The following KCNJ6 variants were observed in gnomAD, a reference collection of about 807,000 sequenced individuals.
KCNJ6 encodes G protein-activated inward rectifier potassium channel 2.
KCNJ6 carries 9 observed loss-of-function variants against 34.2 expected under a neutral mutation model. The observed-to-expected ratio is 0.26, with a 90% CI of 0.16 to 0.46. KCNJ6 has a LOEUF of 0.46. Ranked by LOEUF, KCNJ6 falls within the 20% of genes least tolerant of loss-of-function variation. The pLI is 1.00. For missense variants in KCNJ6, 236 were observed against 531.3 expected, an observed-to-expected ratio of 0.44 and a Z score of 5.46; for synonymous variants, 196 against 207.1, an observed-to-expected ratio of 0.95 and a Z score of 0.46.
At chr21:37,684,276 C>T (rs2054603527) in intron 3 of KCNJ6, among the ~76,000 whole-genome samples, 1 of 152,090 alleles carries the variant, frequency 6.6e-6, no homozygotes, top group Middle Eastern at 3.2e-3. Flanking sequence ...CTTGTTGCAT[C>T]ACCCTGACTT....
chr21:37,645,889 G>A (rs2054401838), intron 3 of KCNJ6, among the ~76,000 whole-genome samples: 1 of 74 alleles, frequency 0.014, no homozygotes, highest in Non-Finnish European at 0.033. Context: ...TCTGCTGGAA[G>A]TCCCTCACTT....
chr21:37,804,627 C>T (rs2055284827), intron 2 of KCNJ6, among the ~76,000 whole-genome samples: 1 of 152,088 alleles, frequency 6.6e-6, no homozygotes, highest in Non-Finnish European at 1.5e-5. Flanking sequence ...TCTGTGTGTC[C>T]ATGTATTATC....
At chr21:37,804,584 C>T (rs1218539934) in intron 2 of KCNJ6, among the ~76,000 whole-genome samples, 7 of 152,142 alleles carry the variant, frequency 4.6e-5, no homozygotes, top group Admixed American at 6.5e-5. Flanking sequence ...CCATCCTCCA[C>T]CCTCTAATAG....
chr21:37,819,145 T>C (rs2055362059), intron 2 of KCNJ6, among the ~76,000 whole-genome samples: 1 of 152,216 alleles, frequency 6.6e-6, no homozygotes, highest in African/African-American at 2.4e-5. Context: ...TTACTTTTTG[T>C]TTACAGTTTC....
chr21:37,803,595 C>T (rs959091043), intron 2 of KCNJ6, among the ~76,000 whole-genome samples: 14 of 152,178 alleles, frequency 9.2e-5, no homozygotes, highest in East Asian at 3.8e-4. Flanking sequence ...TTGTAGCAGA[C>T]GTCACCACTG....
In KCNJ6 at chr21:37,780,601, T is replaced by C. The variant is rs149709924; in HGVS notation, c.25+60057A>G. The stretch of plus-strand genomic sequence containing the variant: ...GGTGGGGGTGGGGGAGTGCAGGTAA[T>C]AGGGGAATGCTCTGTACTTTCTACT... On this transcript the variant is annotated intron_variant, in intron 2 of 3. Coordinates refer to ENST00000609713, the MANE Select transcript of KCNJ6 (RefSeq NM_002240.5). 1.7e-3 allele frequency among the ~76,000 whole-genome samples: 255 copies of C among 152,126 alleles called. 2 individuals are homozygous for C. Among genetic ancestry groups the C allele is most frequent in the Middle Eastern group, 6.8e-3 (2 of 294 alleles).
Position 37,655,215 on chromosome 21 carries a change from GTGTGTGTGTGAGAGAGAGA to G in KCNJ6, c.947-29750_947-29732del, listed in dbSNP as rs1569438866. ...TGTGTGTGTGTGTGTGTGTGTGTGTGTGTGTGTGTGAGAGAGAGAGAGAGAGAGAGAGAGAGAGAGAGAG... is the reference window on the plus strand; with the variant it reads ...TGTGTGTGTGTGTGTGTGTGTGTGTGGAGAGAGAGAGAGAGAGAGAGAGAG... On this transcript the variant is annotated intron_variant, in intron 3 of 3. Transcript: ENST00000609713. 4.6e-3 allele frequency among the ~76,000 whole-genome samples: 163 copies of G among 35,612 alleles called. 2 individuals carry two copies. The highest frequency in any genetic ancestry group is 9.0e-3 in the African/African-American group (158 of 17,498). The allele number at this position is 35,612 out of a possible 152,430, so 23.4% of individuals were successfully genotyped here. A position where few individuals can be genotyped will look rare whatever the true frequency, so the allele number is the denominator to read the frequency against.
intron 2 of KCNJ6, among the ~76,000 whole-genome samples, chr21:37,831,472 A>G (rs559445032): frequency 8.5e-5 from 13 of 152,186 alleles, no homozygotes; most frequent in Non-Finnish European, 1.8e-4. Context: ...AATGAATAAC[A>G]AAAGAGAGGC....
intron 3 of KCNJ6, among the ~76,000 whole-genome samples, chr21:37,694,393 A>C (rs564782135): frequency 3.6e-4 from 55 of 152,320 alleles, no homozygotes; most frequent in Non-Finnish European, 7.1e-4. Context: ...TTGGAGAAAG[A>C]GTACTGTTAG....
At chr21:37,682,485 C>G (rs981405566) in intron 3 of KCNJ6, among the ~76,000 whole-genome samples, 4 of 152,062 alleles carry the variant, frequency 2.6e-5, no homozygotes, top group African/African-American at 4.8e-5. Flanking sequence ...CGTGGTGGCC[C>G]CAGGCATTCC....
intron 2 of KCNJ6, among the ~76,000 whole-genome samples, chr21:37,803,163 C>G (rs1440492451): frequency 6.6e-6 from 1 of 152,150 alleles, no homozygotes; most frequent in African/African-American, 2.4e-5. Flanking sequence ...TTCCTTAGGG[C>G]TGGTTGGAAG....
chr21:37,910,686 TC>T (rs2055863009), intron 1 of KCNJ6, among the ~76,000 whole-genome samples: 1 of 152,182 alleles, frequency 6.6e-6, no homozygotes, highest in Non-Finnish European at 1.5e-5. Context: ...ACTGTATGAT[TC>T]CTGGTCCTAA....
intron 3 of KCNJ6, among the ~76,000 whole-genome samples, chr21:37,676,065 G>A (rs996634840): frequency 3.9e-5 from 6 of 152,364 alleles, no homozygotes; most frequent in African/African-American, 1.4e-4. Flanking sequence ...GAGATTCGTG[G>A]GCACCACAGA....
chr21:37,715,148 A>C lies in KCNJ6; in HGVS notation c.26-17T>G. The C allele has an allele frequency of 6.3e-7, 1 of 1,595,754 alleles. No individual in the cohort carries two copies. Among genetic ancestry groups the C allele is most frequent in the Admixed American group, 1.8e-5 (1 of 56,708 alleles). ...GGACGTTAGCTGGTGGTTTGGAGAAAAGAAAAGAAACACTGAATGAAAGGC... is the reference window on the plus strand; with the variant it reads ...GGACGTTAGCTGGTGGTTTGGAGAACAGAAAAGAAACACTGAATGAAAGGC... On this transcript the variant is annotated splice_polypyrimidine_tract_variant and intron_variant, in intron 2 of 3. Coordinates refer to ENST00000609713, the MANE Select transcript of KCNJ6 (RefSeq NM_002240.5).
intron 1 of KCNJ6, among the ~76,000 whole-genome samples, chr21:37,893,551 C>A (rs1182290151): frequency 6.6e-6 from 1 of 152,146 alleles, no homozygotes; most frequent in African/African-American, 2.4e-5. Context: ...TTGGTCCATA[C>A]CTTCTTGCAA....
In KCNJ6 at chr21:37,607,484, T is replaced by TA. The variant is rs35281433; in HGVS notation, c.*17674_*17675insT. On this transcript the variant is annotated 3_prime_UTR_variant, in exon 4 of 4. Coordinates refer to ENST00000609713, the MANE Select transcript of KCNJ6 (RefSeq NM_002240.5). Reference sequence around the variant, plus strand: ...TAAAGATATATATATATATATATATTTTTTTTTTATTTTAAAAAAATTTGG... The same window carrying TA: ...TAAAGATATATATATATATATATATTATTTTTTTTATTTTAAAAAAATTTGG... 8.4e-4 allele frequency: 52 copies of TA among 62,186 alleles called. 1 individual carries two copies. Among genetic ancestry groups the TA allele is most frequent in the African/African-American group, 2.1e-3 (35 of 16,568 alleles). 3.9% of individuals were successfully genotyped at this position (62,186 alleles called of 1,614,324 possible). A position where few individuals can be genotyped will look rare whatever the true frequency, so the allele number is the denominator to read the frequency against.
At chr21:37,706,581 T>G (rs1299814581) in intron 3 of KCNJ6, among the ~76,000 whole-genome samples, 1 of 127,564 alleles carries the variant, frequency 7.8e-6, no homozygotes, top group African/African-American at 2.7e-5. Flanking sequence ...TGCCATGTAG[T>G]GCGAATGAGA....
intron 2 of KCNJ6, among the ~76,000 whole-genome samples, chr21:37,804,557 T>C (rs902191457): frequency 7.2e-5 from 11 of 152,180 alleles, no homozygotes; most frequent in Non-Finnish European, 1.3e-4. Flanking sequence ...TTATTTTTCC[T>C]GATCTTCTCC....
intron 2 of KCNJ6, among the ~76,000 whole-genome samples, chr21:37,797,298 G>A (rs112075369): frequency 4.6e-5 from 7 of 152,280 alleles, no homozygotes; most frequent in South Asian, 2.1e-4. Context: ...TGATCTGCCC[G>A]CCTCGGTCTC....
Sources: gnomAD v4.1 joint callset for allele counts (sites outside exome capture counted in the v4.1 genomes callset) on GRCh38, gnomAD v4.1.1 for gene constraint, MANE v1.5 for transcripts, NCBI Gene and HGNC (gene_info 2026-07-23, HGNC 2026-07-21) for gene names.